SVOPL: variants seen among roughly 807,000 people sequenced by gnomAD.
SVOPL encodes the protein SVOP like.
A neutral mutation model predicts 61.0 loss-of-function variants in SVOPL; 60 were observed. The observed-to-expected ratio is 0.98, with a 90% CI of 0.80 to 1.22. The LOEUF is 1.22. SVOPL is among the 50% of genes most tolerant of loss of function. The pLI is 0.00. For missense variants in SVOPL, 662 were observed against 643.9 expected (o/e 1.03, Z -0.30); for synonymous variants, 279 against 250.0 (o/e 1.12, Z -1.09).
intron 4 of SVOPL, chr7:138,664,078 G>A (rs775324871): frequency 4.1e-5 from 16 of 392,468 alleles, no homozygotes; most frequent in Non-Finnish European, 5.6e-5. Flanking sequence ...TTGACAGACT[G>A]CAGAGACAGA....
intron 9 of SVOPL, among the ~76,000 whole-genome samples, chr7:138,634,904 CA>C (rs1436235325): frequency 6.6e-6 from 1 of 152,132 alleles, no homozygotes; most frequent in African/African-American, 2.4e-5. Context: ...GTCAAGGCTG[CA>C]GTGAGCCAAG....
At chr7:138,611,603 T>TC (rs1563087449) in intron 14 of SVOPL, among the ~76,000 whole-genome samples, 2 of 152,030 alleles carry the variant, frequency 1.3e-5, no homozygotes, top group Admixed American at 1.3e-4. Flanking sequence ...TGATTTTTTT[T>TC]CCCCATGCTT....
chr7:138,643,354 G>A (rs1800927655), intron 9 of SVOPL, among the ~76,000 whole-genome samples: 1 of 149,004 alleles, frequency 6.7e-6, no homozygotes, highest in Non-Finnish European at 1.5e-5. Context: ...GAACCAGGGA[G>A]TCGGAAGTTG....
At chr7:138,639,779 G>T (rs1025588759) in intron 9 of SVOPL, among the ~76,000 whole-genome samples, 2 of 152,094 alleles carry the variant, frequency 1.3e-5, no homozygotes, top group Admixed American at 6.6e-5. Context: ...TGCGATCATA[G>T]CTCACTGCAG....
At chr7:138,693,671 G>A (rs1416587918) in intron 1 of SVOPL, among the ~76,000 whole-genome samples, 2 of 151,496 alleles carry the variant, frequency 1.3e-5, no homozygotes, top group African/African-American at 2.4e-5. Flanking sequence ...GAGGGAGGGA[G>A]GGAGCGAGGA....
intron 9 of SVOPL, among the ~76,000 whole-genome samples, chr7:138,634,774 G>A (rs956043583): frequency 6.6e-6 from 1 of 151,932 alleles, no homozygotes; most frequent in African/African-American, 2.4e-5. Context: ...ACCAGCTTGG[G>A]CAACATGTCA....
At chr7:138,666,073 C>T (rs971010228) in intron 4 of SVOPL, among the ~76,000 whole-genome samples, 2 of 152,214 alleles carry the variant, frequency 1.3e-5, no homozygotes, top group East Asian at 3.8e-4. Flanking sequence ...CCTGTTCTAC[C>T]TCGGACTGAT....
chr7:138,628,441 G>A, intron 10 of SVOPL, 78 bp from the exon 11 acceptor site: 1 of 1,445,882 alleles, frequency 6.9e-7, no homozygotes, highest in South Asian at 1.2e-5. Flanking sequence ...ATACCAAGTG[G>A]AACGTGTAGC....
intron 13 of SVOPL, among the ~76,000 whole-genome samples, chr7:138,621,645 A>T (rs909889526): frequency 2.0e-5 from 3 of 152,178 alleles, no homozygotes; most frequent in Non-Finnish European, 4.4e-5. Context: ...CTGGTCTTGA[A>T]CATCTGGCCT....
Position 138,700,232 on chromosome 7 carries a change from G to A in SVOPL, c.-35+946C>T, listed in dbSNP as rs547308737. Among the ~76,000 whole-genome samples, 24 of 151,984 alleles carry A rather than the reference G, an allele frequency of 1.6e-4. No homozygotes were observed. The South Asian group carries it at 4.4e-3, about 28-fold the overall frequency. On this transcript the variant is annotated intron_variant, in intron 1 of 15. Transcript: ENST00000674285. ...GAAGAGAACAACATGTTTGAGAGAT[G>A]GAGATGAGGAACATTATTGAGAGAT...
intron 4 of SVOPL, among the ~76,000 whole-genome samples, chr7:138,666,582 C>G (rs1393210380): frequency 6.6e-6 from 1 of 152,096 alleles, no homozygotes; most frequent in Non-Finnish European, 1.5e-5. Context: ...CAACCCAGAC[C>G]ACTACAGTGC....
chr7:138,684,989 A>G (rs1241357210), intron 1 of SVOPL, among the ~76,000 whole-genome samples: 2 of 150,980 alleles, frequency 1.3e-5, no homozygotes, highest in South Asian at 2.1e-4. Context: ...CTAGAGTGCA[A>G]TGGCAGGATC....
chr7:138,682,790 A>T (rs1018282179), intron 1 of SVOPL, among the ~76,000 whole-genome samples: 1 of 151,934 alleles, frequency 6.6e-6, no homozygotes, highest in African/African-American at 2.4e-5. Context: ...CCAACATGGT[A>T]AAACCCCATC....
At chr7:138,605,666 T>G (rs1293408655) in intron 14 of SVOPL, among the ~76,000 whole-genome samples, 1 of 142,486 alleles carries the variant, frequency 7.0e-6, no homozygotes, top group African/African-American at 2.6e-5. Flanking sequence ...AAAAATAGAA[T>G]GACAGTCATT....
chr7:138,633,321 G>A (rs754433086), intron 9 of SVOPL, among the ~76,000 whole-genome samples: 6 of 152,176 alleles, frequency 3.9e-5, no homozygotes, highest in Admixed American at 1.3e-4. Flanking sequence ...AGGCTTATGG[G>A]AGGTGTTTGG....
intron 9 of SVOPL, 45 bp downstream of exon 9, chr7:138,644,672 A>C (rs746723106): frequency 6.2e-7 from 1 of 1,602,072 alleles, no homozygotes; most frequent in South Asian, 1.1e-5. Flanking sequence ...GGGATTTCCC[A>C]GTGGCCACTG....
intron 1 of SVOPL, among the ~76,000 whole-genome samples, chr7:138,696,954 T>G (rs1053641627): frequency 2.0e-5 from 3 of 152,186 alleles, no homozygotes; most frequent in Non-Finnish European, 4.4e-5. Flanking sequence ...GCACTTGACC[T>G]GGAGACGATC....
Position 138,631,226 on chromosome 7 carries a change from G to A in SVOPL, c.790-1104C>T, listed in dbSNP as rs531271265. Among the ~76,000 whole-genome samples, 292 of 152,178 alleles carry A rather than the reference G, an allele frequency of 1.9e-3. 3 individuals carry two copies. The highest frequency in any genetic ancestry group is 9.1e-3 in the South Asian group (44 of 4,814). On this transcript the variant is annotated intron_variant, in intron 9 of 15. Coordinates refer to ENST00000674285, the MANE Select transcript of SVOPL (RefSeq NM_001139456.2). ...TTTAATTTTTGTGGGGCACGTAGTA[G>A]GTATGTCTATTTATGGGGGTACATG...
intron 8 of SVOPL, among the ~76,000 whole-genome samples, chr7:138,645,401 G>A (rs749737274): frequency 4.6e-5 from 7 of 152,116 alleles, no homozygotes; most frequent in East Asian, 1.9e-4. Context: ...CACGCCTCAC[G>A]CAATCAAGGC....
Sources: gnomAD v4.1 joint callset for allele counts (sites outside exome capture counted in the v4.1 genomes callset) on GRCh38, gnomAD v4.1.1 for gene constraint, MANE v1.5 for transcripts, NCBI Gene and HGNC (gene_info 2026-07-23, HGNC 2026-07-21) for gene names.